The following ITGB8 variants were observed in gnomAD, a reference collection of about 807,000 sequenced individuals.
ITGB8 encodes integrin beta-8.
In ITGB8, 30 loss-of-function variants were observed where a neutral mutation model predicts 89.5. That is an observed-to-expected ratio of 0.34 (90% confidence interval 0.25 to 0.45). The LOEUF (loss-of-function observed/expected upper bound fraction) is 0.45. Ranked by LOEUF, ITGB8 falls within the 20% of genes least tolerant of loss-of-function variation. The pLI is 1.00. For synonymous variants in ITGB8, 335 were observed against 320.4 expected, an observed-to-expected ratio of 1.05 and a Z score of -0.49; for missense variants, 836 against 933.3, an observed-to-expected ratio of 0.90 and a Z score of 1.36.
At chr7:20,371,536 A>G (rs1785933782) in intron 3 of ITGB8, among the ~76,000 whole-genome samples, 1 of 152,208 alleles carries the variant, frequency 6.6e-6, no homozygotes, top group African/African-American at 2.4e-5. Flanking sequence ...AACTTTTAAA[A>G]AAGTATAAGA....
chr7:20,388,186 C>T (rs1786706365), intron 6 of ITGB8, among the ~76,000 whole-genome samples: 1 of 152,196 alleles, frequency 6.6e-6, no homozygotes, highest in Admixed American at 6.5e-5. Flanking sequence ...TAAGTTACTT[C>T]CCACAGCCTT....
At chr7:20,357,967 TTTTG>T (rs1216612325) in intron 1 of ITGB8, among the ~76,000 whole-genome samples, 5 of 152,250 alleles carry the variant, frequency 3.3e-5, no homozygotes, top group South Asian at 2.1e-4. Flanking sequence ...TTGTGTTTTG[TTTTG>T]TTTGTTTGTT....
chr7:20,336,536 A>G (rs374344303), intron 1 of ITGB8, among the ~76,000 whole-genome samples: 1 of 152,244 alleles, frequency 6.6e-6, no homozygotes, highest in African/African-American at 2.4e-5. Context: ...AGAGGAGATA[A>G]GTAACTTGCC....
chr7:20,362,494 C>T (rs1562667739), intron 1 of ITGB8, among the ~76,000 whole-genome samples: 1 of 152,146 alleles, frequency 6.6e-6, no homozygotes, highest in Admixed American at 6.5e-5. Context: ...CTTAAATATG[C>T]CCTCTTCCTC....
intron 3 of ITGB8, among the ~76,000 whole-genome samples, chr7:20,368,851 C>T (rs1485892266): frequency 6.6e-6 from 1 of 152,064 alleles, no homozygotes; most frequent in Non-Finnish European, 1.5e-5. Context: ...TTTTTCTGAT[C>T]TATATGAGCC....
In ITGB8 at chr7:20,410,249, C is replaced by T. The variant is rs751617990; in HGVS notation, c.*252C>T. On this transcript the variant is annotated 3_prime_UTR_variant, in exon 14 of 14. Transcript: ENST00000222573. ...TGTAGCACTTTACTGTAATATATAA[C>T]TTATTTAGATCAGCATAGAATGTAG... 2 of 419,674 alleles carry T rather than the reference C, an allele frequency of 4.8e-6. No homozygotes were observed. Among genetic ancestry groups the T allele is most frequent in the East Asian group, 5.0e-5 (1 of 19,980 alleles). 26.0% of individuals were successfully genotyped at this position (419,674 alleles called of 1,614,324 possible).
At position 20,401,733 on chromosome 7, in the gene ITGB8, G is replaced by A. The variant is rs569381784; in HGVS notation, c.1294G>A (p.Val432Ile). 6 of 1,552,312 alleles carry A rather than the reference G, an allele frequency of 3.9e-6. No individual in the cohort carries two copies. In the Admixed American group the frequency reaches 1.3e-4, roughly 33 times the overall value. The change falls in exon 10 of 14, where the codon GTA becomes ATA. Residue 432 changes from valine (V) to isoleucine (I), a missense_variant. Physicochemically the swap from Val to Ile is conservative, Grantham distance 29 (BLOSUM62 3). Coordinates refer to ENST00000222573, the MANE Select transcript of ITGB8 (RefSeq NM_002214.3). ...VTSNDEVLFN[V>I]TVTMKKCDVT... is the part of the protein sequence containing the mutation. Reference sequence around the variant, plus strand: ...CTCCTAAATTTAGGTTCTTTTCAATGTAACAGTTACAATGAAAAAATGTGA... The same window carrying A: ...CTCCTAAATTTAGGTTCTTTTCAATATAACAGTTACAATGAAAAAATGTGA...
chr7:20,355,232 CA>C (rs1157328492), intron 1 of ITGB8, among the ~76,000 whole-genome samples: 1 of 152,146 alleles, frequency 6.6e-6, no homozygotes, highest in African/African-American at 2.4e-5. Context: ...CCCAGGCTCC[CA>C]GGTGGGACAA....
At chr7:20,341,981 C>T (rs1157607940) in intron 1 of ITGB8, among the ~76,000 whole-genome samples, 1 of 151,972 alleles carries the variant, frequency 6.6e-6, no homozygotes, top group Admixed American at 6.5e-5. Flanking sequence ...GGATGTTACA[C>T]TCCTCCTTCT....
intron 3 of ITGB8, among the ~76,000 whole-genome samples, chr7:20,376,954 C>G (rs917358841): frequency 6.6e-6 from 1 of 152,320 alleles, no homozygotes; most frequent in African/African-American, 2.4e-5. Context: ...ACACCCCAAC[C>G]ATTTGGCAGT....
At chr7:20,346,678 C>T (rs1002232830) in intron 1 of ITGB8, 4 of 984,932 alleles carry the variant, frequency 4.1e-6, no homozygotes, top group East Asian at 1.1e-4. Flanking sequence ...CCAAAAGCAA[C>T]GTGGACTTTC....
intron 6 of ITGB8, among the ~76,000 whole-genome samples, chr7:20,388,239 T>G (rs906396272): frequency 6.6e-6 from 1 of 152,146 alleles, no homozygotes; most frequent in African/African-American, 2.4e-5. Flanking sequence ...TCCTTCTCCC[T>G]TTTGCCCCTG....
chr7:20,382,694 G>T lies in ITGB8; in HGVS notation c.960+809G>T, dbSNP rs147681396. 2.4e-3 allele frequency among the ~76,000 whole-genome samples: 369 copies of T among 152,026 alleles called. 1 individual carries two copies. Among genetic ancestry groups the T allele is most frequent in the African/African-American group, 8.4e-3 (350 of 41,454 alleles). On this transcript the variant is annotated intron_variant, in intron 6 of 13. Coordinates refer to ENST00000222573, the MANE Select transcript of ITGB8 (RefSeq NM_002214.3). ...CCTAATAGTTCTGTTTTTTTAAGTG[G>T]TTAAGTCCAAATAACTCAACTATTT...
At chr7:20,338,176 T>C (rs374333203) in intron 1 of ITGB8, among the ~76,000 whole-genome samples, 16 of 152,316 alleles carry the variant, frequency 1.1e-4, no homozygotes, top group South Asian at 1.0e-3. Context: ...TCATTATGCA[T>C]ATATATTTAT....
intron 1 of ITGB8, among the ~76,000 whole-genome samples, chr7:20,344,676 G>C (rs1370356935): frequency 6.6e-6 from 1 of 152,230 alleles, no homozygotes; most frequent in Non-Finnish European, 1.5e-5. Context: ...GCAGTAGCAG[G>C]ACAAAGCTTC....
intron 7 of ITGB8, among the ~76,000 whole-genome samples, chr7:20,392,071 A>G (rs1786883283): frequency 6.6e-6 from 1 of 152,126 alleles, no homozygotes; most frequent in South Asian, 2.1e-4. Flanking sequence ...CTCAAGCAAA[A>G]TAGACAGCAA....
chr7:20,378,050 A>G (rs1786225444), intron 3 of ITGB8, among the ~76,000 whole-genome samples: 1 of 152,252 alleles, frequency 6.6e-6, no homozygotes, highest in African/African-American at 2.4e-5. Flanking sequence ...CATTTACTTA[A>G]TAGTTTAAAA....
At chr7:20,370,833 C>T (rs9791657) in intron 3 of ITGB8, among the ~76,000 whole-genome samples, 68,318 of 151,754 alleles carry the variant, frequency 0.45, 15,794 homozygotes, top group Middle Eastern at 0.56. Context: ...AGACTGGTCT[C>T]GAACTCCTCG....
chr7:20,406,485 G>A (rs1787549491), intron 12 of ITGB8, among the ~76,000 whole-genome samples: 1 of 151,546 alleles, frequency 6.6e-6, no homozygotes. Flanking sequence ...GGGAGGCGGA[G>A]GTTGCAATGA....
Sources: gnomAD v4.1 joint callset for allele counts (sites outside exome capture counted in the v4.1 genomes callset) on GRCh38, gnomAD v4.1.1 for gene constraint, MANE v1.5 for transcripts, NCBI Gene and HGNC (gene_info 2026-07-23, HGNC 2026-07-21) for gene names.